MRTFB: variants seen among roughly 807,000 people sequenced by gnomAD.
The protein encoded by MRTFB is myocardin related transcription factor B.
A neutral mutation model predicts 104.2 loss-of-function variants in MRTFB; 29 were observed. The ratio of observed to expected loss-of-function variants is 0.28; its 90% CI spans 0.21 to 0.38. The LOEUF is 0.38. Among genes scored for constraint, MRTFB ranks in the 10% least tolerant of loss-of-function variants. The pLI is 1.00. For missense variants in MRTFB, 1,270 were observed against 1,341.6 expected (o/e 0.95, Z 0.83); for synonymous variants, 535 against 519.5 (o/e 1.03, Z -0.41).
At chr16:14,148,557 T>C (rs1299970960) in intron 3 of MRTFB, 1 of 152,664 alleles carries the variant, frequency 6.6e-6, no homozygotes, top group Non-Finnish European at 1.5e-5. Flanking sequence ...TGGCTTGTAA[T>C]TAATAATTAC....
chr16:14,140,931 A>G, intron 3 of MRTFB, 171 bp downstream of exon 3: 2 of 599,458 alleles, frequency 3.3e-6, no homozygotes, highest in Non-Finnish European at 2.8e-6. Context: ...TTCACTTTCC[A>G]TTCAGTTCTT....
intron 1 of MRTFB, among the ~76,000 whole-genome samples, chr16:14,072,890 T>C (rs1236149676): frequency 1.3e-5 from 2 of 152,218 alleles, no homozygotes; most frequent in Admixed American, 1.3e-4. Context: ...TAGAATTTTT[T>C]GTGTCACACA....
At chr16:14,253,404 A>G (rs1297995122) in intron 15 of MRTFB, among the ~76,000 whole-genome samples, 1 of 152,184 alleles carries the variant, frequency 6.6e-6, no homozygotes, top group African/African-American at 2.4e-5. Context: ...CAGGAACATC[A>G]GTGCAGTTGT....
chr16:14,127,919 A>ATTT (rs2037215627), intron 2 of MRTFB, among the ~76,000 whole-genome samples: 1 of 39,316 alleles, frequency 2.5e-5, no homozygotes, highest in African/African-American at 2.2e-4. Context: ...ATATATATAT[A>ATTT]TATATATATA....
intron 8 of MRTFB, among the ~76,000 whole-genome samples, chr16:14,222,394 T>C (rs555514448): frequency 4.2e-4 from 64 of 152,304 alleles, no homozygotes; most frequent in African/African-American, 1.3e-3. Context: ...TCATAAACTT[T>C]CTTAAAACAT....
intron 3 of MRTFB, among the ~76,000 whole-genome samples, chr16:14,180,038 TG>T (rs1311316722): frequency 1.3e-5 from 2 of 152,260 alleles, no homozygotes; most frequent in African/African-American, 4.8e-5. Flanking sequence ...CTACAGCGAT[TG>T]GAAGTTTTAA....
chr16:14,255,549 A>G (rs979704398), intron 15 of MRTFB, among the ~76,000 whole-genome samples: 3 of 152,210 alleles, frequency 2.0e-5, no homozygotes, highest in Non-Finnish European at 4.4e-5. Flanking sequence ...TCCCTTAAGA[A>G]TGAAAGTGAA....
At chr16:14,034,501 C>G in the MRTFB span, among the ~76,000 whole-genome samples, 671 of 151,736 alleles carry the variant, frequency 4.4e-3, 6 homozygotes, top group African/African-American at 0.016. Context: ...GTAATCCCAG[C>G]TAGTTGGGAG....
intron 3 of MRTFB, among the ~76,000 whole-genome samples, chr16:14,192,920 C>G (rs890363183): frequency 6.6e-6 from 1 of 152,164 alleles, no homozygotes; most frequent in Non-Finnish European, 1.5e-5. Context: ...TTGACCTCCT[C>G]AGAACCTGTC....
chr16:14,249,699 C>T (rs778016053), intron 13 of MRTFB, among the ~76,000 whole-genome samples: 17 of 152,178 alleles, frequency 1.1e-4, no homozygotes, highest in Non-Finnish European at 5.9e-5. Flanking sequence ...AAAATTCTCC[C>T]GCATTCCCCG....
chr16:14,094,935 A>T (rs750477558), intron 2 of MRTFB, among the ~76,000 whole-genome samples: 3 of 152,210 alleles, frequency 2.0e-5, no homozygotes, highest in African/African-American at 4.8e-5. Flanking sequence ...ATTTGCTTGT[A>T]TGATAAACAC....
At chr16:14,133,715 A>G (rs1193731716) in intron 2 of MRTFB, among the ~76,000 whole-genome samples, 2 of 152,148 alleles carry the variant, frequency 1.3e-5, no homozygotes, top group Non-Finnish European at 1.5e-5. Context: ...GTTTATAAAC[A>G]TTTACTTCTT....
At chr16:14,108,692 C>T (rs1191914132) in intron 2 of MRTFB, among the ~76,000 whole-genome samples, 3 of 152,170 alleles carry the variant, frequency 2.0e-5, no homozygotes, top group Non-Finnish European at 4.4e-5. Flanking sequence ...AAAGAGAATA[C>T]TCAGTTATTT....
At chr16:14,105,039 A>G (rs1245488724) in intron 2 of MRTFB, among the ~76,000 whole-genome samples, 4 of 152,188 alleles carry the variant, frequency 2.6e-5, no homozygotes, top group Non-Finnish European at 5.9e-5. Context: ...GTACGAGGCC[A>G]TCTGTTTAAA....
At chr16:14,143,361 T>C (rs2038115835) in intron 3 of MRTFB, 2 of 152,150 alleles carry the variant, frequency 1.3e-5, no homozygotes, top group Non-Finnish European at 1.5e-5. Flanking sequence ...GTTTGATATT[T>C]TGTAGGAGAC....
chr16:14,111,494 C>T (rs138295660), intron 2 of MRTFB, among the ~76,000 whole-genome samples: 71 of 152,322 alleles, frequency 4.7e-4, no homozygotes, highest in African/African-American at 1.6e-3. Context: ...ACTTCAGAAA[C>T]ATTGAGAATC....
At chr16:14,026,345 TA>T in the MRTFB span, among the ~76,000 whole-genome samples, 1 of 152,042 alleles carries the variant, frequency 6.6e-6, no homozygotes, top group Non-Finnish European at 1.5e-5. Flanking sequence ...ACAAAAGCAA[TA>T]AGATAATCAT....
intron 12 of MRTFB, 41 bp downstream of exon 12, chr16:14,247,548 C>T: frequency 6.7e-7 from 1 of 1,495,896 alleles, no homozygotes; most frequent in East Asian, 2.5e-5. Flanking sequence ...TTACAGCATG[C>T]ATGGAATGCA....
the MRTFB span, among the ~76,000 whole-genome samples, chr16:14,057,863 G>A: frequency 1.3e-5 from 2 of 152,216 alleles, no homozygotes; most frequent in Non-Finnish European, 2.9e-5. Flanking sequence ...CCTCCTGGGA[G>A]GAAAGAAAAT....
Sources: gnomAD v4.1 joint callset for allele counts (sites outside exome capture counted in the v4.1 genomes callset) on GRCh38, gnomAD v4.1.1 for gene constraint, MANE v1.5 for transcripts, NCBI Gene and HGNC (gene_info 2026-07-23, HGNC 2026-07-21) for gene names.